PAK5: variants seen among roughly 807,000 people sequenced by gnomAD.
PAK5 encodes the protein serine/threonine-protein kinase PAK 5.
A neutral mutation model predicts 65.9 loss-of-function variants in PAK5; 16 were observed. That is an observed-to-expected ratio of 0.24 (90% CI 0.16 to 0.37). The LOEUF is 0.37. Among genes scored for constraint, PAK5 ranks in the 10% least tolerant of loss-of-function variants. The pLI, the probability that PAK5 is intolerant of heterozygous loss-of-function variation, is 1.00. For missense variants in PAK5, 785 were observed against 903.9 expected (o/e 0.87, Z 1.69); for synonymous variants, 371 against 354.9 (o/e 1.05, Z -0.51).
intron 1 of PAK5, among the ~76,000 whole-genome samples, chr20:9,801,377 A>ATT: frequency 6.6e-6 from 1 of 151,528 alleles, no homozygotes; most frequent in South Asian, 2.1e-4. Context: ...TGTTTTATAG[A>ATT]TTTTTTTTCC....
intron 1 of PAK5, among the ~76,000 whole-genome samples, chr20:9,725,453 T>C (rs6056827): frequency 0.48 from 72,927 of 151,878 alleles, 17,646 homozygotes; most frequent in South Asian, 0.63. Flanking sequence ...AATAAATGAA[T>C]GGAACATGAA....
chr20:9,770,057 T>C (rs2048815782), intron 1 of PAK5, among the ~76,000 whole-genome samples: 1 of 151,898 alleles, frequency 6.6e-6, no homozygotes, highest in Non-Finnish European at 1.5e-5. Context: ...CTTTTTTAGA[T>C]GGGGAAAAAA....
chr20:9,563,515 A>G (rs891711130), intron 5 of PAK5, among the ~76,000 whole-genome samples: 1 of 152,204 alleles, frequency 6.6e-6, no homozygotes, highest in African/African-American at 2.4e-5. Flanking sequence ...TCTCCTTGGA[A>G]GTAGGTATGG....
At position 9,838,106 on chromosome 20, in the gene PAK5, C is replaced by G. The variant is rs1387655981; in HGVS notation, c.-162+656G>C. The stretch of plus-strand genomic sequence containing the variant: ...TTTGACAAGAGTTTGGAACCAAGAT[C>G]CTCTTCCACGCCCTGCTCACAAGGG... On this transcript the variant is annotated intron_variant, in intron 1 of 9. Transcript: ENST00000353224. This position sits in a 1 kb window ranked among gnomAD's most constrained non-coding sequence, Gnocchi z 4.5. Among the ~76,000 whole-genome samples, 6 of 152,140 alleles carry G rather than the reference C, an allele frequency of 3.9e-5. No homozygotes were observed. The highest frequency in any genetic ancestry group is 8.8e-5 in the Non-Finnish European group (6 of 68,012).
At chr20:9,673,572 TTA>T (rs2047529716) in intron 2 of PAK5, among the ~76,000 whole-genome samples, 1 of 152,180 alleles carries the variant, frequency 6.6e-6, no homozygotes, top group Non-Finnish European at 1.5e-5. Context: ...GCCTTGGAGG[TTA>T]TATGTTATCT....
intron 1 of PAK5, among the ~76,000 whole-genome samples, chr20:9,760,574 T>G (rs1259164276): frequency 2.1e-5 from 3 of 139,944 alleles, no homozygotes; most frequent in Non-Finnish European, 4.7e-5. Context: ...TTTTGATGGT[T>G]GAGAAAAAAA....
chr20:9,711,681 T>G (rs983864004), intron 1 of PAK5, among the ~76,000 whole-genome samples: 2 of 152,196 alleles, frequency 1.3e-5, no homozygotes, highest in South Asian at 2.1e-4. Context: ...CCACTGTGAA[T>G]AATTATTCTA....
At chr20:9,643,611 CAT>C (rs1266540180) in intron 3 of PAK5, among the ~76,000 whole-genome samples, 3 of 151,868 alleles carry the variant, frequency 2.0e-5, no homozygotes, top group African/African-American at 4.8e-5. Flanking sequence ...TATATACACA[CAT>C]ATTTATTTGA....
At chr20:9,821,771 A>G (rs1233058653) in intron 1 of PAK5, among the ~76,000 whole-genome samples, 1 of 152,216 alleles carries the variant, frequency 6.6e-6, no homozygotes, top group Non-Finnish European at 1.5e-5. Flanking sequence ...TGCTCTCAGC[A>G]TACTTGTTAC....
intron 1 of PAK5, among the ~76,000 whole-genome samples, chr20:9,764,718 T>TAACAATA (rs1810352023): frequency 6.6e-6 from 1 of 152,144 alleles, no homozygotes; most frequent in South Asian, 2.1e-4. Flanking sequence ...TAAGAAACAG[T>TAACAATA]TTCTTCTATT....
At chr20:9,799,029 A>G (rs2049137410) in intron 1 of PAK5, among the ~76,000 whole-genome samples, 1 of 152,196 alleles carries the variant, frequency 6.6e-6, no homozygotes, top group Non-Finnish European at 1.5e-5. Flanking sequence ...GGAAAGAATT[A>G]AAAAGTATTT....
At chr20:9,781,992 C>T (rs1185580921) in intron 1 of PAK5, among the ~76,000 whole-genome samples, 2 of 152,150 alleles carry the variant, frequency 1.3e-5, no homozygotes, top group African/African-American at 4.8e-5. Context: ...CTCTGCTTTG[C>T]CCCTACATGT....
intron 1 of PAK5, among the ~76,000 whole-genome samples, chr20:9,759,336 A>T (rs2048671662): frequency 6.6e-6 from 1 of 152,168 alleles, no homozygotes; most frequent in Admixed American, 6.6e-5. Context: ...TATCCTATAG[A>T]TAAGTGTTCC....
intron 1 of PAK5, among the ~76,000 whole-genome samples, chr20:9,820,085 TA>T (rs1255291955): frequency 1.3e-5 from 2 of 152,210 alleles, no homozygotes; most frequent in Admixed American, 1.3e-4. Flanking sequence ...AACAAATTCC[TA>T]GTTTTCTTGA....
chr20:9,681,421 T>G (rs2047647950), intron 2 of PAK5, among the ~76,000 whole-genome samples: 1 of 152,160 alleles, frequency 6.6e-6, no homozygotes, highest in East Asian at 1.9e-4. Context: ...ACTATCTTGC[T>G]TAAAAGATGT....
chr20:9,757,683 C>A (rs2048650734), intron 1 of PAK5, among the ~76,000 whole-genome samples: 1 of 152,154 alleles, frequency 6.6e-6, no homozygotes, highest in Non-Finnish European at 1.5e-5. Context: ...ACTTCAAGAA[C>A]CAAGTACTGA....
chr20:9,672,855 A>T (rs1393070386), intron 2 of PAK5, among the ~76,000 whole-genome samples: 1 of 152,214 alleles, frequency 6.6e-6, no homozygotes, highest in East Asian at 1.9e-4. Context: ...CTTGAACAGT[A>T]GTCTGCATTT....
At chr20:9,724,229 T>C (rs1315272838) in intron 1 of PAK5, among the ~76,000 whole-genome samples, 1 of 152,216 alleles carries the variant, frequency 6.6e-6, no homozygotes, top group Non-Finnish European at 1.5e-5. Context: ...ATTTATGTTT[T>C]TAGTACCAAA....
chr20:9,620,873 C>T (rs1204280616), intron 3 of PAK5, among the ~76,000 whole-genome samples: 1 of 151,276 alleles, frequency 6.6e-6, no homozygotes, highest in Admixed American at 6.6e-5. Context: ...TACTACCACA[C>T]AGAGAAAGAA....
Sources: allele counts gnomAD v4.1 joint callset (sites outside exome capture counted in the v4.1 genomes callset), GRCh38; gene constraint gnomAD v4.1.1; non-coding constraint Gnocchi (gnomAD v3.1); transcripts MANE v1.5; gene names NCBI Gene and HGNC (gene_info 2026-07-23, HGNC 2026-07-21).